Variants in MAN1A1 observed in about 807,000 individuals in gnomAD.
MAN1A1 encodes mannosyl-oligosaccharide 1,2-alpha-mannosidase IA.
A neutral mutation model predicts 70.8 loss-of-function variants in MAN1A1; 29 were observed. The observed-to-expected ratio is 0.41, with a 90% confidence interval of 0.31 to 0.56. The LOEUF (loss-of-function observed/expected upper bound fraction) is 0.56. Ranked by LOEUF, MAN1A1 falls within the 20% of genes least tolerant of loss-of-function variation. MAN1A1 has a pLI of 0.29. For missense variants in MAN1A1, 747 were observed against 841.3 expected (o/e 0.89, Z 1.39); for synonymous variants, 349 against 330.1 (o/e 1.06, Z -0.62).
intron 8 of MAN1A1, among the ~76,000 whole-genome samples, chr6:119,196,264 T>C (rs1468582455): frequency 1.3e-5 from 2 of 152,018 alleles, no homozygotes; most frequent in Non-Finnish European, 2.9e-5. Context: ...TTTGTTTTAA[T>C]TAATTTTGGT....
chr6:119,264,339 G>A (rs1775690545), intron 5 of MAN1A1, among the ~76,000 whole-genome samples: 2 of 152,144 alleles, frequency 1.3e-5, no homozygotes, highest in South Asian at 4.1e-4. Flanking sequence ...AAATTGATTG[G>A]AAACAATACT....
intron 6 of MAN1A1, among the ~76,000 whole-genome samples, chr6:119,234,794 T>C (rs978788622): frequency 4.6e-5 from 7 of 152,150 alleles, no homozygotes; most frequent in Admixed American, 1.3e-4. Flanking sequence ...CTTTGCTTTA[T>C]TGCACTTCAC....
chr6:119,200,083 T>G (rs897926419), intron 8 of MAN1A1, among the ~76,000 whole-genome samples: 2 of 152,180 alleles, frequency 1.3e-5, no homozygotes, highest in Non-Finnish European at 2.9e-5. Context: ...AGTACCACTA[T>G]TAAAAGCAGA....
Position 119,275,548 on chromosome 6 carries a change from C to G in MAN1A1, c.897+15135G>C, listed in dbSNP as rs1009605163. 2.8e-5 allele frequency among the ~76,000 whole-genome samples: 4 copies of G among 145,022 alleles called. No homozygotes were observed. In the East Asian group the frequency reaches 7.8e-4, roughly 28 times the overall value. On this transcript the variant is annotated intron_variant, in intron 5 of 12. Transcript: ENST00000368468. ...GTCTTGATCTCCTGACCTCGTGATC[C>G]GCCCGCCTCGGCCTCCCAAAGTGCT... is the stretch of plus-strand genomic sequence containing the variant.
intron 4 of MAN1A1, among the ~76,000 whole-genome samples, chr6:119,295,296 T>G (rs535580434): frequency 9.9e-5 from 15 of 152,270 alleles, no homozygotes; most frequent in African/African-American, 3.4e-4. Flanking sequence ...GGCAACTTAT[T>G]CACCAAAATT....
chr6:119,183,855 G>T (rs1266273973), intron 11 of MAN1A1, among the ~76,000 whole-genome samples: 2 of 152,050 alleles, frequency 1.3e-5, no homozygotes, highest in East Asian at 3.9e-4. Flanking sequence ...GGCCCCAGAG[G>T]TTCCATGTCC....
At chr6:119,276,726 G>T (rs1446695422) in intron 5 of MAN1A1, among the ~76,000 whole-genome samples, 2 of 152,128 alleles carry the variant, frequency 1.3e-5, no homozygotes, top group African/African-American at 4.8e-5. Context: ...TTAGACTTAA[G>T]AACTGAAACA....
intron 2 of MAN1A1, among the ~76,000 whole-genome samples, chr6:119,316,951 C>CTTT (rs11362337): frequency 7.2e-6 from 1 of 138,142 alleles, no homozygotes; most frequent in African/African-American, 2.6e-5. Flanking sequence ...TATTATTATT[C>CTTT]TTTTTTTTTT....
At chr6:119,183,415 T>G (rs1383218621) in intron 11 of MAN1A1, among the ~76,000 whole-genome samples, 1 of 151,928 alleles carries the variant, frequency 6.6e-6, no homozygotes, top group Non-Finnish European at 1.5e-5. Context: ...CCTTTTTTTT[T>G]GACAAAGAGT....
At chr6:119,336,476 G>A (rs1012537761) in intron 2 of MAN1A1, among the ~76,000 whole-genome samples, 5 of 152,148 alleles carry the variant, frequency 3.3e-5, no homozygotes, top group Admixed American at 1.3e-4. Flanking sequence ...TGGGCAATAC[G>A]AGAGAAGTGA....
chr6:119,206,856 G>T (rs549415253), intron 6 of MAN1A1, among the ~76,000 whole-genome samples: 2 of 152,278 alleles, frequency 1.3e-5, no homozygotes, highest in African/African-American at 4.8e-5. Flanking sequence ...TAAAAACAAA[G>T]CTGCGACATA....
intron 5 of MAN1A1, among the ~76,000 whole-genome samples, chr6:119,259,224 A>C (rs1007224699): frequency 3.9e-5 from 6 of 152,144 alleles, no homozygotes; most frequent in African/African-American, 1.4e-4. Context: ...TTGCTGACTC[A>C]TTTTGTAAAC....
At chr6:119,255,175 T>A (rs900550374) in intron 5 of MAN1A1, among the ~76,000 whole-genome samples, 1 of 152,196 alleles carries the variant, frequency 6.6e-6, no homozygotes, top group African/African-American at 2.4e-5. Context: ...AAGAAATGAA[T>A]AAGAACAGAT....
rs61169300 is a variant in MAN1A1 at position 119,260,976 on chromosome 6, GTTTTT to G, written c.898-12627_898-12623del. Among the ~76,000 whole-genome samples the G allele has an allele frequency of 6.1e-4, 71 of 116,946 alleles. 3 individuals carry two copies. The highest frequency in any genetic ancestry group is 2.4e-3 in the Admixed American group (26 of 10,686). 76.7% of individuals were successfully genotyped at this position (116,946 alleles called of 152,430 possible). A position where few individuals can be genotyped will look rare whatever the true frequency, so the allele number is the denominator to read the frequency against. ...TATCTAAATGTCTTGTTTTTTTATT[GTTTTT>G]TTTTTTTTTTTTTTTGAGATGGAGT... On this transcript the variant is annotated intron_variant, in intron 5 of 12. Coordinates refer to ENST00000368468, the MANE Select transcript of MAN1A1 (RefSeq NM_005907.4).
In MAN1A1 at chr6:119,189,722, G is replaced by A; in HGVS notation, c.1488C>T (p.His496=). 1 of 1,614,102 alleles carries A rather than the reference G, an allele frequency of 6.2e-7. No individual in the cohort carries two copies. The highest frequency in any genetic ancestry group is 1.1e-5 in the South Asian group (1 of 91,074). ...ADAAPEGMAQ[H]YLELGAEIAR... is the part of the protein sequence containing the mutation. ...CAATTTCAGCCCCGAGTTCAAGGTA[G>A]TGTTGGGCCATGCCTTCGGGAGCTG... is the stretch of plus-strand genomic sequence containing the variant. Residue 496 remains histidine (H), a synonymous_variant, in exon 10 of 13, where the codon CAC becomes CAT. Coordinates refer to ENST00000368468, the MANE Select transcript of MAN1A1 (RefSeq NM_005907.4).
chr6:119,271,814 T>A (rs1445989988), intron 5 of MAN1A1, among the ~76,000 whole-genome samples: 2 of 152,226 alleles, frequency 1.3e-5, no homozygotes, highest in African/African-American at 2.4e-5. Flanking sequence ...AACCCCCGGT[T>A]TACAAATGAT....
At chr6:119,284,131 T>C (rs113586005) in intron 5 of MAN1A1, among the ~76,000 whole-genome samples, 3 of 152,310 alleles carry the variant, frequency 2.0e-5, no homozygotes, top group African/African-American at 7.2e-5. Flanking sequence ...TTGGGGGCTA[T>C]TTTATCTCAG....
intron 2 of MAN1A1, among the ~76,000 whole-genome samples, chr6:119,317,712 G>A (rs1416700915): frequency 3.3e-5 from 5 of 152,086 alleles, no homozygotes; most frequent in African/African-American, 1.2e-4. Flanking sequence ...TGTTAAAGAA[G>A]AGACTTGCAC....
chr6:119,231,697 C>T (rs1490619627), intron 6 of MAN1A1, among the ~76,000 whole-genome samples: 2 of 152,152 alleles, frequency 1.3e-5, no homozygotes, highest in East Asian at 1.9e-4. Flanking sequence ...GGGGGAAATG[C>T]TTTCACTCTT....
Sources: allele counts gnomAD v4.1 joint callset (sites outside exome capture counted in the v4.1 genomes callset), GRCh38; gene constraint gnomAD v4.1.1; transcripts MANE v1.5; gene names NCBI Gene and HGNC (gene_info 2026-07-23, HGNC 2026-07-21).